The following RNGTT variants were observed in gnomAD, a reference collection of about 807,000 sequenced individuals.
The protein encoded by RNGTT is RNA guanylyltransferase and 5'-phosphatase, also known as mRNA-capping enzyme.
In RNGTT, 33 loss-of-function variants were observed where a neutral mutation model predicts 79.3. The observed-to-expected ratio is 0.42, with a 90% CI of 0.32 to 0.56. RNGTT has a LOEUF of 0.56. Ranked by LOEUF, RNGTT falls within the 20% of genes least tolerant of loss-of-function variation. The pLI is 0.17. For missense variants in RNGTT, 497 were observed against 739.1 expected (o/e 0.67, Z 3.80); for synonymous variants, 222 against 235.9 (o/e 0.94, Z 0.54).
chr6:88,901,128 C>T (rs892929155), intron 6 of RNGTT, among the ~76,000 whole-genome samples: 6 of 150,100 alleles, frequency 4.0e-5, no homozygotes, highest in Non-Finnish European at 8.9e-5. Context: ...GGTGACAGAG[C>T]TAGACTGTCT....
At chr6:88,863,591 T>A (rs984039492) in intron 8 of RNGTT, among the ~76,000 whole-genome samples, 1 of 152,158 alleles carries the variant, frequency 6.6e-6, no homozygotes, top group African/African-American at 2.4e-5. Flanking sequence ...TTCAAGAAAG[T>A]CCCTTCAACC....
chr6:88,841,881 T>C (rs764280891), intron 11 of RNGTT, among the ~76,000 whole-genome samples: 1 of 152,218 alleles, frequency 6.6e-6, no homozygotes, highest in Non-Finnish European at 1.5e-5. Context: ...ATGTGCCCCC[T>C]TATCCCTTCT....
At chr6:88,897,532 G>C (rs928725401) in intron 6 of RNGTT, among the ~76,000 whole-genome samples, 10 of 152,190 alleles carry the variant, frequency 6.6e-5, no homozygotes, top group Admixed American at 6.5e-4. Flanking sequence ...AAATATGCTT[G>C]AATTTATCCC....
Position 88,929,072 on chromosome 6 carries a change from G to A in RNGTT, c.280C>T (p.His94Tyr), listed in dbSNP as rs1784404864. ...TTCTCAGTGGTAGGGCACTCACCAT[G>A]TCTAGTAATATAGAAAAAGTTTTTT... Reference protein sequence around the residue: ...IKYIKLQCKGHGECPTTENTE... With the variant: ...IKYIKLQCKGYGECPTTENTE... The change falls in exon 4 of 16, where the codon CAT (histidine) becomes TAT (tyrosine). Residue 94 changes from histidine to tyrosine, a missense_variant and splice_region_variant. By Grantham distance (83) the His-to-Tyr change is moderately conservative (BLOSUM62 2). Transcript: ENST00000369485. The A allele has an allele frequency of 1.2e-6, 2 of 1,609,326 alleles. No individual in the cohort carries two copies. Among genetic ancestry groups the A allele is most frequent in the South Asian group, 2.2e-5 (2 of 90,322 alleles).
At chr6:88,727,331 T>A (rs59202356) in intron 13 of RNGTT, among the ~76,000 whole-genome samples, 3,755 of 152,156 alleles carry the variant, frequency 0.025, 141 homozygotes, top group African/African-American at 0.085. Context: ...GGTTAAAAAA[T>A]TTTTTCTTTT....
At chr6:88,675,102 G>GAA (rs10554864) in intron 14 of RNGTT, among the ~76,000 whole-genome samples, 4 of 106,574 alleles carry the variant, frequency 3.8e-5, no homozygotes, top group Admixed American at 1.0e-4. Context: ...CGTCTCAGAA[G>GAA]AAAAAAAAAA....
chr6:88,944,233 ATTG>A (rs1381018016), intron 1 of RNGTT, among the ~76,000 whole-genome samples: 1 of 152,226 alleles, frequency 6.6e-6, no homozygotes, highest in Non-Finnish European at 1.5e-5. Context: ...AACAATAAGT[ATTG>A]TTATTATTCC....
At chr6:88,857,374 T>C (rs1260583000) in intron 8 of RNGTT, among the ~76,000 whole-genome samples, 2 of 152,112 alleles carry the variant, frequency 1.3e-5, no homozygotes, top group African/African-American at 4.8e-5. Context: ...CAGGAATTTA[T>C]CTTATACTCT....
intron 11 of RNGTT, 129 bp downstream of exon 11, chr6:88,844,228 G>A (rs139400956): frequency 3.0e-5 from 25 of 826,030 alleles, no homozygotes; most frequent in East Asian, 2.4e-4. Context: ...CCAAAACAGC[G>A]CTATACCCAA....
At chr6:88,797,062 T>C (rs1424498526) in intron 12 of RNGTT, among the ~76,000 whole-genome samples, 1 of 152,142 alleles carries the variant, frequency 6.6e-6, no homozygotes, top group Non-Finnish European at 1.5e-5. Context: ...TCAAAGGCAC[T>C]CCAATTAAAC....
chr6:88,887,295 G>A (rs914106889), intron 8 of RNGTT, among the ~76,000 whole-genome samples: 1 of 152,034 alleles, frequency 6.6e-6, no homozygotes, highest in Non-Finnish European at 1.5e-5. Context: ...TAGCTTTAAC[G>A]ACGATGGAGT....
At chr6:88,719,550 C>T (rs1373221000) in intron 13 of RNGTT, among the ~76,000 whole-genome samples, 2 of 152,136 alleles carry the variant, frequency 1.3e-5, no homozygotes, top group Admixed American at 1.3e-4. Flanking sequence ...GTAATAAAAA[C>T]AAATACTTTA....
chr6:88,667,889 C>T (rs760466520), intron 14 of RNGTT, among the ~76,000 whole-genome samples: 1 of 152,088 alleles, frequency 6.6e-6, no homozygotes, highest in Non-Finnish European at 1.5e-5. Context: ...GAAATGGGTA[C>T]AGGCTCTCCC....
chr6:88,949,159 GA>G, intron 1 of RNGTT, among the ~76,000 whole-genome samples: 4,830 of 50,466 alleles, frequency 0.096, 211 homozygotes, highest in African/African-American at 0.26. Context: ...AAAATAAAAT[GA>G]AAAAAAAAAA....
chr6:88,831,383 TCAA>T, intron 11 of RNGTT, among the ~76,000 whole-genome samples: 1 of 152,286 alleles, frequency 6.6e-6, no homozygotes, highest in South Asian at 2.1e-4. Context: ...TCGATAAAAT[TCAA>T]CACCTCTTCA....
chr6:88,906,876 T>C (rs868810424), intron 4 of RNGTT, among the ~76,000 whole-genome samples: 4 of 152,118 alleles, frequency 2.6e-5, no homozygotes, highest in Admixed American at 1.3e-4. Flanking sequence ...ATTTGCAAAA[T>C]AGTCAAATCC....
intron 13 of RNGTT, among the ~76,000 whole-genome samples, chr6:88,747,478 T>C (rs1019857359): frequency 6.6e-6 from 1 of 152,180 alleles, no homozygotes; most frequent in African/African-American, 2.4e-5. Flanking sequence ...CTTATACTAC[T>C]GTGGTAGAAG....
intron 12 of RNGTT, among the ~76,000 whole-genome samples, chr6:88,798,070 G>T (rs1169841856): frequency 1.3e-5 from 2 of 151,826 alleles, no homozygotes; most frequent in East Asian, 1.9e-4. Context: ...CATTTAATTG[G>T]TTTTTTTAAA....
intron 12 of RNGTT, among the ~76,000 whole-genome samples, chr6:88,790,575 T>C (rs1779375338): frequency 1.3e-5 from 2 of 152,098 alleles, no homozygotes; most frequent in Non-Finnish European, 2.9e-5. Flanking sequence ...GGTTAAAAGA[T>C]TTTCAGGGAA....
Sources: gnomAD v4.1 joint callset for allele counts (sites outside exome capture counted in the v4.1 genomes callset) on GRCh38, gnomAD v4.1.1 for gene constraint, MANE v1.5 for transcripts, NCBI Gene and HGNC (gene_info 2026-07-23, HGNC 2026-07-21) for gene names.